OAS1: variants seen among roughly 807,000 people sequenced by gnomAD.
OAS1 encodes the protein 2'-5'-oligoadenylate synthetase 1.
A neutral mutation model predicts 38.5 loss-of-function variants in OAS1; 24 were observed. That is an observed-to-expected ratio of 0.62 (90% CI 0.45 to 0.88). OAS1 has a LOEUF of 0.88. Ranked by LOEUF, OAS1 falls within the 40% of genes least tolerant of loss-of-function variation. The pLI, the probability that OAS1 is intolerant of heterozygous loss-of-function variation, is 0.00. For missense variants in OAS1, 482 were observed against 493.9 expected (o/e 0.98, Z 0.23); for synonymous variants, 169 against 193.9 (o/e 0.87, Z 1.07).
rs191907640 is a variant in OAS1, at chr12:112,907,743, C to T, written c.180+524C>T. 54 of 153,180 alleles carry T rather than the reference C, an allele frequency of 3.5e-4. 1 individual carries two copies. Among genetic ancestry groups the T allele is most frequent in the Admixed American group, 1.3e-3 (20 of 15,476 alleles). 9.5% of individuals were successfully genotyped at this position (153,180 alleles called of 1,614,324 possible). ...TAGCAGCTTCTCACTGAATTAGTAC[C>T]CAAGGTTCTTTGTCCTGCATCCAAG... On this transcript the variant is annotated intron_variant, in intron 1 of 5. Coordinates refer to ENST00000202917, the MANE Select transcript of OAS1 (RefSeq NM_016816.4).
chr12:112,916,801 G>T, intron 4 of OAS1, 63 bp downstream of exon 4: 4 of 1,270,774 alleles, frequency 3.1e-6, no homozygotes, highest in Non-Finnish European at 4.6e-6. Context: ...CAGGTACAGT[G>T]CCTTGGAAAT....
At chr12:112,930,089 C>T (rs551699104) in intron 6 of OAS1, among the ~76,000 whole-genome samples, 10 of 152,144 alleles carry the variant, frequency 6.6e-5, no homozygotes, top group African/African-American at 1.7e-4. Flanking sequence ...ATAGTGAGTA[C>T]ATTCTCATGA....
chr12:112,917,707 C>A lies in OAS1; in HGVS notation c.1038+7C>A, dbSNP rs1353576654. 2.5e-6 allele frequency: 4 copies of A among 1,614,206 alleles called. No individual in the cohort carries two copies. The highest frequency in any genetic ancestry group is 3.4e-6 in the Non-Finnish European group (4 of 1,180,028). ...GAGCTCCTGGATTCTGCTGGTGAGA[C>A]CTCCTGCTTCCTCCCTGCCATTCAT... On this transcript the variant is annotated splice_region_variant and intron_variant, in intron 5 of 5. Transcript: ENST00000202917.
chr12:112,907,282 A>T, intron 1 of OAS1, 63 bp downstream of exon 1: 2 of 1,507,186 alleles, frequency 1.3e-6, no homozygotes, highest in Non-Finnish European at 1.8e-6. Context: ...GAGATTGAGA[A>T]TGAGAGAGAG....
At chr12:112,932,160 TTCTC>T (rs1010670771), downstream of OAS1, 9 of 453,922 alleles carry the variant, frequency 2.0e-5, no homozygotes, top group African/African-American at 1.6e-4. Context: ...CCCTGTCTCC[TTCTC>T]TCTCTCTCTG....
intron 3 of OAS1, among the ~76,000 whole-genome samples, chr12:112,913,741 C>A (rs558138143): frequency 1.3e-5 from 2 of 152,026 alleles, no homozygotes; most frequent in South Asian, 4.2e-4. Flanking sequence ...ATTTAAAGTT[C>A]TTATTTTATC....
At chr12:112,907,294 G>A (rs2043310513) in intron 1 of OAS1, 75 bp downstream of exon 1, 5 of 1,492,300 alleles carry the variant, frequency 3.4e-6, no homozygotes, top group Non-Finnish European at 3.7e-6. Context: ...GAGAGAGAGA[G>A]AGAGAGAGAA....
chr12:112,914,252 G>A (rs562514190), intron 3 of OAS1, among the ~76,000 whole-genome samples: 22 of 152,276 alleles, frequency 1.4e-4, no homozygotes, highest in South Asian at 1.2e-3. Flanking sequence ...AGGTTGCTGT[G>A]AATGCCATTA....
rs896935440 is a variant in OAS1 at position 112,931,557 on chromosome 12, A to G, written c.1168-321A>G. 2.0e-4 allele frequency among the ~76,000 whole-genome samples: 30 copies of G among 152,246 alleles called. 1 individual carries two copies. Among genetic ancestry groups the G allele is most frequent in the Non-Finnish European group, 4.4e-5 (3 of 68,040 alleles). On this transcript the variant is annotated intron_variant, in intron 6 of 6. Coordinates refer to the OAS1 transcript ENST00000540589. The stretch of plus-strand genomic sequence containing the variant: ...GGTTTGATAAATAAAATCCATTTTA[A>G]TGATGAGGAAACAGGCTCAGAAGAG...
chr12:112,908,961 A>G (rs2043339993), intron 2 of OAS1, 137 bp downstream of exon 2: 1 of 885,598 alleles, frequency 1.1e-6, no homozygotes, highest in African/African-American at 1.7e-5. Flanking sequence ...TCCCGGGGCA[A>G]GAATGAATAC....
At chr12:112,909,795 G>A (rs143508834) in intron 2 of OAS1, among the ~76,000 whole-genome samples, 139 of 152,302 alleles carry the variant, frequency 9.1e-4, no homozygotes, top group African/African-American at 3.0e-3. Context: ...AGGGAAATGC[G>A]ATGACATCTG....
chr12:112,919,391 T>G lies in OAS1; in HGVS notation c.1041T>G (p.Ala347=). 1 of 1,611,542 alleles carries G rather than the reference T, an allele frequency of 6.2e-7. No individual in the cohort carries two copies. The highest frequency in any genetic ancestry group is 2.2e-5 in the East Asian group (1 of 44,846). The change falls in exon 6 of 6, where the codon GCT becomes GCG. Residue 347 remains alanine (A), a splice_region_variant and synonymous_variant. Transcript: ENST00000202917. ...GATCATGTGTCTCACCCTTTCAGGC[T>G]GAAAGCAACAGTGCAGACGATGAGA... The part of the protein sequence containing the change: ...GSPVSSWILL[A]ESNSADDETD...
chr12:112,927,342 C>T (rs1008243327), intron 6 of OAS1, among the ~76,000 whole-genome samples: 11 of 152,134 alleles, frequency 7.2e-5, no homozygotes, highest in South Asian at 2.1e-4. Context: ...CCTGACTTCC[C>T]ACAACATCAC....
chr12:112,910,924 A>G, intron 2 of OAS1, 127 bp from the exon 3 acceptor site: 1 of 826,780 alleles, frequency 1.2e-6, no homozygotes, highest in South Asian at 1.8e-5. Context: ...GGACCTCAAG[A>G]CTTCCCAGCC....
At chr12:112,908,891 A>G in intron 2 of OAS1, 67 bp downstream of exon 2, 1 of 1,512,342 alleles carries the variant, frequency 6.6e-7, no homozygotes, top group Non-Finnish European at 8.9e-7. Flanking sequence ...ACAGTTTGAG[A>G]GCTTTTTGCC....
chr12:112,909,964 GA>G (rs898882345), intron 2 of OAS1, among the ~76,000 whole-genome samples: 18 of 149,288 alleles, frequency 1.2e-4, no homozygotes, highest in African/African-American at 2.4e-4. Context: ...GGGCAGCCAT[GA>G]AAAAAAAAAT....
intron 2 of OAS1, among the ~76,000 whole-genome samples, chr12:112,910,638 G>C (rs556031296): frequency 1.3e-5 from 2 of 152,276 alleles, no homozygotes; most frequent in South Asian, 4.2e-4. Flanking sequence ...GAAGTAGAAA[G>C]TGGGCAAAGG....
chr12:112,912,919 GTAT>G (rs2136307718), intron 3 of OAS1, among the ~76,000 whole-genome samples: 1 of 152,262 alleles, frequency 6.6e-6, no homozygotes, highest in South Asian at 2.1e-4. Flanking sequence ...GTGCCTCGAA[GTAT>G]TATTGTTTTA....
At chr12:112,930,298 T>C (rs1250741478) in intron 6 of OAS1, among the ~76,000 whole-genome samples, 1 of 152,228 alleles carries the variant, frequency 6.6e-6, no homozygotes, top group African/African-American at 2.4e-5. Context: ...CCTCTTTTTC[T>C]TTATAAATTA....
Sources: gnomAD v4.1 joint callset for allele counts (sites outside exome capture counted in the v4.1 genomes callset) on GRCh38, gnomAD v4.1.1 for gene constraint, MANE v1.5 for transcripts, NCBI Gene and HGNC (gene_info 2026-07-23, HGNC 2026-07-21) for gene names.